The following TBC1D22A variants were observed in gnomAD, a reference collection of about 807,000 sequenced individuals.
The protein encoded by TBC1D22A is TBC1 domain family member 22A.
Under a neutral mutation model 60.2 loss-of-function variants are expected in TBC1D22A, and 38 were observed. The observed-to-expected ratio is 0.63, with a 90% CI of 0.49 to 0.83. The LOEUF (loss-of-function observed/expected upper bound fraction) is 0.83, where lower values mean the gene tolerates loss of function less well. TBC1D22A is among the 40% of genes least tolerant of loss of function. The pLI is 0.00. For missense variants in TBC1D22A, 628 were observed against 701.0 expected, an observed-to-expected ratio of 0.90 and a Z score of 1.18; for synonymous variants, 302 against 281.7, an observed-to-expected ratio of 1.07 and a Z score of -0.72.
intron 1 of TBC1D22A, among the ~76,000 whole-genome samples, chr22:46,780,638 CAG>C (rs1203514194): frequency 1.3e-5 from 2 of 152,232 alleles, no homozygotes; most frequent in African/African-American, 2.4e-5. Context: ...CTTCCTGCTT[CAG>C]AGTCACTTGT....
chr22:46,857,290 G>C (rs1369633439), intron 4 of TBC1D22A, among the ~76,000 whole-genome samples: 2 of 152,228 alleles, frequency 1.3e-5, no homozygotes, highest in Non-Finnish European at 2.9e-5. Flanking sequence ...AAGAAGCACT[G>C]TCCAGACTGA....
chr22:47,042,653 A>G (rs939775862), intron 11 of TBC1D22A, among the ~76,000 whole-genome samples: 2 of 152,084 alleles, frequency 1.3e-5, no homozygotes, highest in African/African-American at 4.8e-5. Flanking sequence ...TCAGGGCCAG[A>G]GCCTCCAAGC....
At chr22:47,010,128 A>T (rs1407509136) in intron 10 of TBC1D22A, among the ~76,000 whole-genome samples, 1 of 152,222 alleles carries the variant, frequency 6.6e-6, no homozygotes, top group African/African-American at 2.4e-5. Context: ...ATTTTAATCA[A>T]ATTTCTCTGA....
chr22:47,097,097 TG>T (rs2065212537), intron 11 of TBC1D22A, among the ~76,000 whole-genome samples: 1 of 152,140 alleles, frequency 6.6e-6, no homozygotes, highest in Non-Finnish European at 1.5e-5. Context: ...AGTATGGGCG[TG>T]GCCCCGTGTC....
intron 12 of TBC1D22A, among the ~76,000 whole-genome samples, chr22:47,157,159 C>T (rs1414189608): frequency 6.6e-6 from 1 of 152,210 alleles, no homozygotes; most frequent in Admixed American, 6.5e-5. Flanking sequence ...TGTGTTGGCT[C>T]TTTTCACGTA....
intron 4 of TBC1D22A, among the ~76,000 whole-genome samples, chr22:46,832,140 G>A (rs1337921542): frequency 6.6e-6 from 1 of 152,196 alleles, no homozygotes; most frequent in African/African-American, 2.4e-5. Flanking sequence ...AGGATGTCTG[G>A]CCTGATTTTG....
chr22:47,042,492 C>A (rs760339784), intron 11 of TBC1D22A, among the ~76,000 whole-genome samples: 11 of 152,226 alleles, frequency 7.2e-5, no homozygotes, highest in Non-Finnish European at 1.5e-4. Flanking sequence ...TGGGACTCAG[C>A]ATCACAGCCT....
At chr22:47,127,957 C>A (rs1254408716) in intron 12 of TBC1D22A, among the ~76,000 whole-genome samples, 1 of 122,572 alleles carries the variant, frequency 8.2e-6, no homozygotes, top group Non-Finnish European at 1.7e-5. Context: ...TCCACCCCAC[C>A]CGTCCTTCCC....
intron 10 of TBC1D22A, among the ~76,000 whole-genome samples, chr22:47,002,359 G>C (rs1348397175): frequency 6.6e-6 from 1 of 152,218 alleles, no homozygotes; most frequent in Admixed American, 6.5e-5. Context: ...AGAGGAGTGG[G>C]CTTCAGCCCT....
At chr22:47,060,958 T>C (rs1444706877) in intron 11 of TBC1D22A, among the ~76,000 whole-genome samples, 1 of 152,218 alleles carries the variant, frequency 6.6e-6, no homozygotes, top group Non-Finnish European at 1.5e-5. Context: ...ACTGAAGATA[T>C]ATTTGCAGCC....
At chr22:47,011,704 C>G (rs1438604083) in intron 10 of TBC1D22A, among the ~76,000 whole-genome samples, 2 of 152,192 alleles carry the variant, frequency 1.3e-5, no homozygotes, top group Non-Finnish European at 2.9e-5. Context: ...TCTGTTGTTA[C>G]TTTTGTCTCC....
chr22:46,764,926 G>A (rs1233686039), intron 1 of TBC1D22A, among the ~76,000 whole-genome samples: 1 of 152,208 alleles, frequency 6.6e-6, no homozygotes, highest in Non-Finnish European at 1.5e-5. Context: ...GAGAGAATAA[G>A]TGTCTGTTGT....
rs558842797 is a variant in TBC1D22A, at chr22:47,117,767, A to G, written c.1425+6164A>G. On this transcript the variant is annotated intron_variant, in intron 12 of 12. Coordinates refer to ENST00000337137, the MANE Select transcript of TBC1D22A (RefSeq NM_014346.5). Reference sequence around the variant, plus strand: ...ACTTGAATTTAAAACTGTATAAAACATACAAAGATATTCAGTGAAGCAACC... The same window carrying G: ...ACTTGAATTTAAAACTGTATAAAACGTACAAAGATATTCAGTGAAGCAACC... Among the ~76,000 whole-genome samples the G allele has an allele frequency of 8.5e-5, 13 of 152,366 alleles. No homozygotes were observed. In the South Asian group the frequency reaches 1.7e-3, roughly 19 times the overall value.
rs147912253 is a variant in TBC1D22A, at chr22:46,944,693, C to T, written c.1016-29597C>T. ...GATTATAGGCGTGAGCCACCGTGCC[C>T]AGCCTGTACTCCATTTTTTAAAAAA... On this transcript the variant is annotated intron_variant, in intron 8 of 12. Transcript: ENST00000337137. Among the ~76,000 whole-genome samples, 200 of 152,338 alleles carry T rather than the reference C, an allele frequency of 1.3e-3. 1 individual carries two copies. The East Asian group carries it at 0.034, about 26-fold the overall frequency.
chr22:47,067,800 A>ACTGT (rs1459229491), intron 11 of TBC1D22A, among the ~76,000 whole-genome samples: 59 of 152,384 alleles, frequency 3.9e-4, no homozygotes, highest in African/African-American at 1.4e-3. Context: ...GTGCACTCAC[A>ACTGT]GAACTGTGCT....
intron 11 of TBC1D22A, among the ~76,000 whole-genome samples, chr22:47,046,337 C>G (rs376517071): frequency 6.7e-4 from 102 of 152,280 alleles, no homozygotes; most frequent in African/African-American, 2.4e-3. Context: ...ATCTGTAGGT[C>G]CTGTCGCTTC....
intron 4 of TBC1D22A, among the ~76,000 whole-genome samples, chr22:46,864,502 T>G (rs947871060): frequency 9.9e-5 from 15 of 152,248 alleles, no homozygotes; most frequent in Admixed American, 9.2e-4. Context: ...AACAAACTTA[T>G]TTCTCAGGCC....
chr22:47,164,301 G>C lies in TBC1D22A; in HGVS notation c.1426-9197G>C, dbSNP rs11913986. On this transcript the variant is annotated intron_variant, in intron 12 of 12. Coordinates refer to ENST00000337137, the MANE Select transcript of TBC1D22A (RefSeq NM_014346.5). ...CGGTCACCAGCTTGAAGTCCTGTTT[G>C]ACAAGCCCAGTGTACTCTCAGCAGG... Among the ~76,000 whole-genome samples the C allele has an allele frequency of 6.0e-3, 912 of 152,356 alleles. 8 individuals carry two copies. The highest frequency in any genetic ancestry group is 0.021 in the African/African-American group (876 of 41,586).
At chr22:46,823,335 T>A (rs2085908635) in intron 4 of TBC1D22A, among the ~76,000 whole-genome samples, 1 of 152,116 alleles carries the variant, frequency 6.6e-6, no homozygotes, top group Admixed American at 6.5e-5. Flanking sequence ...ATAGAAAAAT[T>A]TGGAAAATAT....
Sources: allele counts gnomAD v4.1 joint callset (sites outside exome capture counted in the v4.1 genomes callset), GRCh38; gene constraint gnomAD v4.1.1; transcripts MANE v1.5; gene names NCBI Gene and HGNC (gene_info 2026-07-23, HGNC 2026-07-21).